The following CMTR1 variants were observed in gnomAD, a reference collection of about 807,000 sequenced individuals.
CMTR1 encodes cap methyltransferase 1.
CMTR1 carries 39 observed loss-of-function variants against 107.0 expected under a neutral mutation model. That is an observed-to-expected ratio of 0.36 (90% CI 0.28 to 0.48). The LOEUF (loss-of-function observed/expected upper bound fraction) is 0.48, where lower values mean the gene tolerates loss of function less well. Among genes scored for constraint, CMTR1 ranks in the 20% least tolerant of loss-of-function variants. The probability of loss-of-function intolerance (pLI) is 0.99; values close to 1 mark genes in which losing one functional copy is unlikely to be tolerated. For synonymous variants in CMTR1, 366 were observed against 379.5 expected (o/e 0.96, Z 0.41); for missense variants, 672 against 1,064.9 (o/e 0.63, Z 5.14).
chr6:37,473,490 C>T lies in CMTR1; in HGVS notation c.1710C>T (p.Phe570=). The change falls in exon 17 of 24, where the codon TTC becomes TTT. Residue 570 remains phenylalanine (F), a synonymous_variant. Coordinates refer to ENST00000373451, the MANE Select transcript of CMTR1 (RefSeq NM_015050.3). ...TGCAGGGCACTGAGATTGACATCTT[C>T]AGCTACAAGCCCACACTGCTCACCT... ...ELIQGTEIDI[F]SYKPTLLTSK... 1 of 1,613,756 alleles carries T rather than the reference C, an allele frequency of 6.2e-7. No homozygotes were observed. The highest frequency in any genetic ancestry group is 1.7e-4 in the Middle Eastern group (1 of 6,060).
intron 13 of CMTR1, among the ~76,000 whole-genome samples, chr6:37,465,456 A>C (rs1361285167): frequency 6.6e-6 from 1 of 152,154 alleles, no homozygotes; most frequent in East Asian, 1.9e-4. Context: ...TTTCTGTGAC[A>C]ACTAATTATA....
Position 37,445,751 on chromosome 6 carries a change from CCAAAGTGCTGG to C in CMTR1, c.286-539_286-529del, listed in dbSNP as rs201623345. On this transcript the variant is annotated intron_variant, in intron 3 of 23. Transcript: ENST00000373451. ...CTCGTGATCCGCCCTTCTCGGCCTC[CCAAAGTGCTGG>C]GATTACAGACTTGAGCCACCGCGCC... Among the ~76,000 whole-genome samples the C allele has an allele frequency of 5.7e-3, 869 of 152,074 alleles. 35 individuals are homozygous for C. The highest frequency in any genetic ancestry group is 0.051 in the Admixed American group (774 of 15,256).
intron 13 of CMTR1, among the ~76,000 whole-genome samples, chr6:37,468,740 C>T (rs540440825): frequency 3.3e-5 from 5 of 151,768 alleles, no homozygotes; most frequent in South Asian, 4.2e-4. Flanking sequence ...AAAATTAGCC[C>T]GGCATGATGG....
chr6:37,462,082 C>T lies in CMTR1; in HGVS notation c.1305C>T (p.Ser435=), dbSNP rs1234296548. Reference sequence around the variant, plus strand: ...TTTGTCTCTTCAAGCCTATTACCAGCCGTCCTGCCAACTCAGAGAGGTGAA... The same window carrying T: ...TTTGTCTCTTCAAGCCTATTACCAGTCGTCCTGCCAACTCAGAGAGGTGAA... ...ERVCLFKPIT[S]RPANSERYVV... is the part of the protein sequence containing the mutation. Residue 435 remains serine (S), a synonymous_variant, in exon 12 of 24, where the codon AGC becomes AGT. Transcript: ENST00000373451. The T allele has an allele frequency of 7.4e-6, 12 of 1,613,968 alleles. No individual in the cohort carries two copies. In the African/African-American group the frequency reaches 1.5e-4, roughly 20 times the overall value.
intron 19 of CMTR1, chr6:37,475,720 A>AAT (rs1214085013): frequency 1.4e-5 from 7 of 505,716 alleles, no homozygotes; most frequent in African/African-American, 1.3e-4. Flanking sequence ...TAGAGGGGGT[A>AAT]CTCCTTGGAA....
In CMTR1 at chr6:37,451,897, A is replaced by G; in HGVS notation, c.609+20A>G. ...TGTAAGGTAAGGTCTTGTGGCTAGA[A>G]CCAGATAATGAAAACCTTGTGGGAG... On this transcript the variant is annotated intron_variant, in intron 6 of 23. Coordinates refer to ENST00000373451, the MANE Select transcript of CMTR1 (RefSeq NM_015050.3). The G allele has an allele frequency of 6.2e-7, 1 of 1,602,336 alleles. No individual in the cohort carries two copies.
rs1761650797 is a variant in CMTR1, at chr6:37,472,606, G to T, written c.1689+119G>T. ...GGGCTTGTGCAGATGCCCACCATGG[G>T]CTCTAAGGGGCGGAGCTAAGGCTGC... On this transcript the variant is annotated intron_variant, in intron 16 of 23. Coordinates refer to ENST00000373451, the MANE Select transcript of CMTR1 (RefSeq NM_015050.3). This position sits in a 1 kb window ranked among gnomAD's most constrained non-coding sequence, Gnocchi z 4.1. 1 of 989,884 alleles carries T rather than the reference G, an allele frequency of 1.0e-6. No individual in the cohort carries two copies. The highest frequency in any genetic ancestry group is 1.4e-5 in the South Asian group (1 of 73,884). The allele number at this position is 989,884 out of a possible 1,614,324, so 61.3% of individuals were successfully genotyped here. A position where few individuals can be genotyped will look rare whatever the true frequency, so the allele number is the denominator to read the frequency against.
At chr6:37,476,042 T>G in intron 19 of CMTR1, 84 bp from the exon 20 acceptor site, 1 of 1,303,070 alleles carries the variant, frequency 7.7e-7, no homozygotes, top group African/African-American at 1.5e-5. Flanking sequence ...GTTCTCCTAC[T>G]GGAGCTGTGA....
At chr6:37,441,373 G>A (rs1050083003) in intron 2 of CMTR1, among the ~76,000 whole-genome samples, 2 of 152,022 alleles carry the variant, frequency 1.3e-5, no homozygotes, top group Non-Finnish European at 2.9e-5. Flanking sequence ...AAGGCTTGGA[G>A]TGTTAATCTA....
chr6:37,428,650 G>A (rs145879992), upstream of CMTR1, among the ~76,000 whole-genome samples: 24 of 152,026 alleles, frequency 1.6e-4, no homozygotes, highest in South Asian at 2.1e-4. Flanking sequence ...TAGAGACGGC[G>A]TTTCACCATG....
chr6:37,469,171 A>G (rs570282856), intron 13 of CMTR1, among the ~76,000 whole-genome samples: 65 of 151,936 alleles, frequency 4.3e-4, no homozygotes, highest in Non-Finnish European at 8.5e-4. Context: ...ACAAAAAACT[A>G]TTTCCCTTTC....
intron 8 of CMTR1, among the ~76,000 whole-genome samples, chr6:37,456,222 T>C (rs548769998): frequency 6.6e-6 from 1 of 152,220 alleles, no homozygotes; most frequent in Non-Finnish European, 1.5e-5. Context: ...TTGTGACCCC[T>C]GCCACATTAC....
At chr6:37,461,331 A>G (rs560817701) in intron 10 of CMTR1, among the ~76,000 whole-genome samples, 24 of 152,228 alleles carry the variant, frequency 1.6e-4, no homozygotes, top group Non-Finnish European at 3.4e-4. Context: ...AGAGCAGGAA[A>G]GTGGAGCTGG....
intron 13 of CMTR1, among the ~76,000 whole-genome samples, chr6:37,470,520 A>C (rs1038755540): frequency 3.3e-5 from 5 of 152,182 alleles, no homozygotes; most frequent in Non-Finnish European, 7.4e-5. Context: ...GAGAATTCCA[A>C]CATTTGGGCC....
chr6:37,465,829 TTTG>T (rs56687239), intron 13 of CMTR1, among the ~76,000 whole-genome samples: 116,217 of 151,224 alleles, frequency 0.77, 45,330 homozygotes, highest in Middle Eastern at 0.91. Context: ...TTTTTGTTTG[TTTG>T]TTGTTGTTGT....
Position 37,453,312 on chromosome 6 carries a change from G to A in CMTR1, c.777G>A (p.Gly259=). ...RMFTNPRDSY[G]KPLVKDREAE... ...TCACAAATCCGCGGGACTCTTATGG[G>A]GTGAGAACAAGATTCTGCTTCTGAA... Residue 259 remains glycine (G), a splice_region_variant and synonymous_variant, in exon 8 of 24, where the codon GGG becomes GGA. Coordinates refer to ENST00000373451, the MANE Select transcript of CMTR1 (RefSeq NM_015050.3). The A allele has an allele frequency of 6.2e-7, 1 of 1,613,916 alleles. No homozygotes were observed. The highest frequency in any genetic ancestry group is 8.5e-7 in the Non-Finnish European group (1 of 1,179,808).
At position 37,471,023 on chromosome 6, in the gene CMTR1, AC is replaced by A; in HGVS notation, c.1509del (p.Cys504ValfsTer20). On this transcript the variant is annotated frameshift_variant, in exon 14 of 24. Transcript: ENST00000373451. LOFTEE classifies it high-confidence loss of function. ...CAAATAATTTTTTTTTCTTCTAGCC[AC>A]TGTAGTCTGCAGATCAAAGCTCTGG... is the stretch of plus-strand genomic sequence containing the variant. The part of the protein sequence containing the change: ...TDYMIRSNES[H>X]CSLQIKALAK... 6.2e-7 allele frequency: 1 copy of A among 1,603,214 alleles called. No individual in the cohort carries two copies.
intron 2 of CMTR1, among the ~76,000 whole-genome samples, chr6:37,439,277 C>T (rs1175936766): frequency 6.6e-6 from 1 of 152,160 alleles, no homozygotes; most frequent in Non-Finnish European, 1.5e-5. Flanking sequence ...AATTTGCTGT[C>T]AAATAACTTT....
At chr6:37,456,560 A>T (rs953552663) in intron 8 of CMTR1, among the ~76,000 whole-genome samples, 1 of 152,160 alleles carries the variant, frequency 6.6e-6, no homozygotes, top group Non-Finnish European at 1.5e-5. Context: ...TAGTATGTCT[A>T]TTTCTTTCTT....
Sources: gnomAD v4.1 joint callset for allele counts (sites outside exome capture counted in the v4.1 genomes callset) on GRCh38, gnomAD v4.1.1 for gene constraint, Gnocchi (gnomAD v3.1) non-coding constraint, MANE v1.5 for transcripts, NCBI Gene and HGNC (gene_info 2026-07-23, HGNC 2026-07-21) for gene names.